STON1: variants seen among roughly 807,000 people sequenced by gnomAD.
The protein encoded by STON1 is stonin 1.
Under a neutral mutation model 60.9 loss-of-function variants are expected in STON1, and 79 were observed. That is an observed-to-expected ratio of 1.30 (90% CI 1.08 to 1.56). The LOEUF (loss-of-function observed/expected upper bound fraction) is 1.56, where lower values mean the gene tolerates loss of function less well. STON1 is among the 40% of genes most tolerant of loss of function. The pLI is 0.00. For synonymous variants in STON1, 363 were observed against 306.9 expected (o/e 1.18, Z -1.91); for missense variants, 1,166 against 858.9 (o/e 1.36, Z -4.47).
chr2:48,557,752 G>A lies in STON1; in HGVS notation c.-47-22835G>A, dbSNP rs530686720. Among the ~76,000 whole-genome samples the A allele has an allele frequency of 2.0e-5, 3 of 152,346 alleles. No individual in the cohort carries two copies. The South Asian group carries it at 6.2e-4, about 32-fold the overall frequency. On this transcript the variant is annotated intron_variant, in intron 1 of 3. Transcript: ENST00000404752. Reference sequence around the variant, plus strand: ...GCTAAGTGCAAAATTTTTTGTTAAAGCCTTTGGTAGTCTTTGAAATTCAAT... The same window carrying A: ...GCTAAGTGCAAAATTTTTTGTTAAAACCTTTGGTAGTCTTTGAAATTCAAT...
intron 1 of STON1, among the ~76,000 whole-genome samples, chr2:48,566,420 C>T (rs1259135075): frequency 6.6e-6 from 1 of 150,788 alleles, no homozygotes; most frequent in Non-Finnish European, 1.5e-5. Context: ...AGGTGATCTG[C>T]CCACCTCAGT....
At chr2:48,535,127 G>C (rs1231712129) in intron 1 of STON1, among the ~76,000 whole-genome samples, 1 of 152,048 alleles carries the variant, frequency 6.6e-6, no homozygotes, top group African/African-American at 2.4e-5. Flanking sequence ...AGCGTCAGGA[G>C]AGTGTGATAG....
intron 2 of STON1, among the ~76,000 whole-genome samples, chr2:48,588,793 C>T (rs1674353520): frequency 6.6e-6 from 1 of 151,962 alleles, no homozygotes; most frequent in Admixed American, 6.6e-5. Context: ...GTGGGGAGGG[C>T]TGCTGGTCCC....
chr2:48,569,553 G>A (rs1234246518), intron 1 of STON1, among the ~76,000 whole-genome samples: 1 of 152,182 alleles, frequency 6.6e-6, no homozygotes, highest in Non-Finnish European at 1.5e-5. Flanking sequence ...TGTGTCACAG[G>A]CATTTGTAGA....
At chr2:48,595,134 G>A in intron 3 of STON1, 94 bp from the exon 4 acceptor site, 2 of 960,552 alleles carry the variant, frequency 2.1e-6, no homozygotes, top group Non-Finnish European at 3.3e-6. Flanking sequence ...TGAGGTTTGT[G>A]CAGTCTGTGC....
Position 48,582,136 on chromosome 2 carries a change from C to A in STON1, c.1503C>A (p.Ile501=). 1 of 1,614,196 alleles carries A rather than the reference C, an allele frequency of 6.2e-7. No homozygotes were observed. The highest frequency in any genetic ancestry group is 1.3e-5 in the African/African-American group (1 of 75,048). ...TACAAGAATTTGAGCAATCAAGAAT[C>A]ATTAAGTTTGTACCTCTGGATGCCT... is the stretch of plus-strand genomic sequence containing the variant. ...VNVQEFEQSR[I]IKFVPLDACR... Residue 501 remains isoleucine (I), a synonymous_variant, in exon 2 of 4, where the codon ATC becomes ATA. Coordinates refer to ENST00000404752, the MANE Select transcript of STON1 (RefSeq NM_006873.4).
chr2:48,563,486 C>T (rs1161619397), intron 1 of STON1, among the ~76,000 whole-genome samples: 2 of 152,274 alleles, frequency 1.3e-5, no homozygotes, highest in African/African-American at 2.4e-5. Context: ...GATGCTAAGA[C>T]CCTGCTAAGT....
rs934099835 is a variant in STON1 at position 48,597,198 on chromosome 2, A to G, written c.*1896A>G. ...CATTTGATGCCTTGCTTATAATATC[A>G]TATGCTTGAGGCTCACTGTTGATGT... is the stretch of plus-strand genomic sequence containing the variant. On this transcript the variant is annotated 3_prime_UTR_variant, in exon 4 of 4. Transcript: ENST00000404752. The G allele has an allele frequency of 6.6e-6, 1 of 152,048 alleles. No individual in the cohort carries two copies. Among genetic ancestry groups the G allele is most frequent in the Non-Finnish European group, 1.5e-5 (1 of 68,014 alleles). 9.4% of individuals were successfully genotyped at this position (152,048 alleles called of 1,614,324 possible).
chr2:48,569,587 A>G (rs1436870262), intron 1 of STON1, among the ~76,000 whole-genome samples: 1 of 152,280 alleles, frequency 6.6e-6, no homozygotes, highest in Non-Finnish European at 1.5e-5. Flanking sequence ...GTCTTAATAA[A>G]TGAGACATGC....
rs139277420 is a variant in STON1, at chr2:48,586,091, G to A, written c.1930+3528G>A. ...AGCACTTGGCTAAAGCCTGGCCAGG[G>A]TAACCACACTTATTTTTCAAACTGA... On this transcript the variant is annotated intron_variant, in intron 2 of 3. Coordinates refer to ENST00000404752, the MANE Select transcript of STON1 (RefSeq NM_006873.4). Among the ~76,000 whole-genome samples, 312 of 152,332 alleles carry A rather than the reference G, an allele frequency of 2.0e-3. 1 individual carries two copies. Among genetic ancestry groups the A allele is most frequent in the Middle Eastern group, 6.8e-3 (2 of 294 alleles).
rs1050541959 is a variant in STON1, at chr2:48,598,136, A to G, written c.*2834A>G. The G allele has an allele frequency of 1.3e-5, 2 of 152,286 alleles. No individual in the cohort carries two copies. Among genetic ancestry groups the G allele is most frequent in the Middle Eastern group, 3.4e-3 (1 of 294 alleles). 9.4% of individuals were successfully genotyped at this position (152,286 alleles called of 1,614,324 possible). On this transcript the variant is annotated 3_prime_UTR_variant, in exon 4 of 4. Transcript: ENST00000404752. ...GTGTAAATGAATTCATGGGTAGATG[A>G]TTTGTGCAGATCTGAATTTAAGAAC...
intron 2 of STON1, among the ~76,000 whole-genome samples, chr2:48,590,033 C>A (rs1674423481): frequency 6.6e-6 from 1 of 152,160 alleles, no homozygotes; most frequent in African/African-American, 2.4e-5. Flanking sequence ...ATTTGTAACC[C>A]TAGCCTTAAC....
chr2:48,551,561 G>A (rs896595411), intron 1 of STON1, among the ~76,000 whole-genome samples: 2 of 152,226 alleles, frequency 1.3e-5, no homozygotes, highest in Non-Finnish European at 2.9e-5. Context: ...GGGACGGGGC[G>A]CTTTGATGGA....
intron 2 of STON1, among the ~76,000 whole-genome samples, chr2:48,587,811 A>G (rs1422615760): frequency 6.6e-6 from 1 of 152,188 alleles, no homozygotes; most frequent in Non-Finnish European, 1.5e-5. Context: ...CTTTATTGAG[A>G]TCAGGTCTGT....
rs1259339748 is a variant in STON1 at position 48,595,506 on chromosome 2, ATCTAAAATGTTTCTATAAT to A, written c.*207_*225del. 7.7e-6 allele frequency: 4 copies of A among 521,438 alleles called. No homozygotes were observed. Among genetic ancestry groups the A allele is most frequent in the Non-Finnish European group, 1.4e-5 (4 of 296,108 alleles). 32.3% of individuals were successfully genotyped at this position (521,438 alleles called of 1,614,324 possible). ...CATGTGTTTTTGTCCTAGGGGTTCG[ATCTAAAATGTTTCTATAAT>A]TCGTGTGATGTTTTGCTTCCTATTG... On this transcript the variant is annotated 3_prime_UTR_variant, in exon 4 of 4. Coordinates refer to ENST00000404752, the MANE Select transcript of STON1 (RefSeq NM_006873.4).
intron 1 of STON1, among the ~76,000 whole-genome samples, chr2:48,574,291 G>T (rs561031709): frequency 2.9e-4 from 44 of 151,770 alleles, no homozygotes; most frequent in African/African-American, 1.0e-3. Context: ...CAGGAGAATC[G>T]ATTGAACCCT....
intron 1 of STON1, among the ~76,000 whole-genome samples, chr2:48,572,452 C>T (rs908882953): frequency 1.3e-5 from 2 of 152,096 alleles, no homozygotes; most frequent in African/African-American, 4.8e-5. Flanking sequence ...TTGCATAGAT[C>T]TGGGTTTCAA....
intron 3 of STON1, among the ~76,000 whole-genome samples, chr2:48,594,191 C>G (rs185138700): frequency 1.3e-5 from 2 of 152,252 alleles, no homozygotes; most frequent in Admixed American, 6.5e-5. Context: ...ACACAGATCT[C>G]CATCTCAGAG....
chr2:48,583,754 C>CT (rs905822150), intron 2 of STON1, among the ~76,000 whole-genome samples: 247 of 133,638 alleles, frequency 1.8e-3, no homozygotes, highest in Admixed American at 3.0e-3. Context: ...TCTTTTTTTT[C>CT]TTTTTTTTTT....
Sources: gnomAD v4.1 joint callset for allele counts (sites outside exome capture counted in the v4.1 genomes callset) on GRCh38, gnomAD v4.1.1 for gene constraint, MANE v1.5 for transcripts, NCBI Gene and HGNC (gene_info 2026-07-23, HGNC 2026-07-21) for gene names.